Variants in USP40 observed in about 807,000 individuals in gnomAD.
USP40 encodes ubiquitin specific peptidase 40.
In USP40, 143 loss-of-function variants were observed where a neutral mutation model predicts 166.2. That is an observed-to-expected ratio of 0.86 (90% confidence interval 0.75 to 0.99). USP40 has a LOEUF of 0.99. USP40 is among the 50% of genes least tolerant of loss of function. The pLI is 0.00. For missense variants in USP40, 1,444 were observed against 1,479.7 expected, an observed-to-expected ratio of 0.98 and a Z score of 0.40; for synonymous variants, 498 against 524.0, an observed-to-expected ratio of 0.95 and a Z score of 0.68.
chr2:233,539,670 T>G (rs1052738183), intron 10 of USP40, among the ~76,000 whole-genome samples: 1 of 151,872 alleles, frequency 6.6e-6, no homozygotes, highest in Non-Finnish European at 1.5e-5. Flanking sequence ...GGAAGAAAAT[T>G]TATAGCTTTA....
chr2:233,535,589 C>T (rs2068874505), intron 10 of USP40, among the ~76,000 whole-genome samples: 2 of 152,158 alleles, frequency 1.3e-5, no homozygotes, highest in South Asian at 4.1e-4. Context: ...GTAACAGACC[C>T]ACCCTAAAGC....
intron 24 of USP40, among the ~76,000 whole-genome samples, chr2:233,495,469 C>T (rs942728969): frequency 1.3e-5 from 2 of 151,694 alleles, no homozygotes; most frequent in Non-Finnish European, 2.9e-5. Context: ...GTTGCCAAGG[C>T]TGGTCTTGAA....
At chr2:233,490,273 C>T (rs555361296) in intron 26 of USP40, among the ~76,000 whole-genome samples, 3 of 149,642 alleles carry the variant, frequency 2.0e-5, no homozygotes, top group Non-Finnish European at 4.4e-5. Context: ...AAGTGATTCT[C>T]CTGCCTCAGC....
intron 5 of USP40, among the ~76,000 whole-genome samples, chr2:233,556,162 A>G (rs1175420899): frequency 6.6e-6 from 1 of 152,016 alleles, no homozygotes; most frequent in Non-Finnish European, 1.5e-5. Context: ...ATACAAATAC[A>G]CAAACTTCCT....
At chr2:233,488,021 A>C (rs749926974) in intron 28 of USP40, 22 of 697,238 alleles carry the variant, frequency 3.2e-5, no homozygotes, top group South Asian at 3.2e-4. Flanking sequence ...TGATTACTGA[A>C]AAATTAATTC....
chr2:233,537,028 T>G (rs781360510), intron 10 of USP40, among the ~76,000 whole-genome samples: 12 of 152,022 alleles, frequency 7.9e-5, no homozygotes, highest in Non-Finnish European at 1.3e-4. Flanking sequence ...GGATTACATG[T>G]GCGCACCACC....
At chr2:233,530,856 C>T (rs2068465649) in intron 11 of USP40, among the ~76,000 whole-genome samples, 1 of 152,082 alleles carries the variant, frequency 6.6e-6, no homozygotes, top group South Asian at 2.1e-4. Flanking sequence ...TACTGTTTTC[C>T]ATTAGCTTGT....
chr2:233,544,429 C>T (rs1293051775), intron 8 of USP40, among the ~76,000 whole-genome samples: 1 of 152,196 alleles, frequency 6.6e-6, no homozygotes, highest in Admixed American at 6.5e-5. Context: ...TCACTCGTCA[C>T]TGGTGACTGA....
At chr2:233,560,834 T>C in intron 3 of USP40, 3 of 543,416 alleles carry the variant, frequency 5.5e-6, no homozygotes, top group Admixed American at 3.3e-5. Context: ...GTCGGTATTG[T>C]TGCAAAAAAA....
intron 21 of USP40, among the ~76,000 whole-genome samples, chr2:233,504,440 T>C (rs987641483): frequency 4.6e-5 from 7 of 151,878 alleles, no homozygotes; most frequent in Admixed American, 2.0e-4. Context: ...AGTGAAGGGA[T>C]GGAAAAAGAT....
chr2:233,544,825 T>C (rs1299720252), intron 8 of USP40, among the ~76,000 whole-genome samples: 6 of 152,186 alleles, frequency 3.9e-5, no homozygotes, highest in East Asian at 1.9e-4. Context: ...TGGCTTGCCT[T>C]GACCTTGATA....
At chr2:233,510,641 T>G (rs1431926084) in intron 20 of USP40, among the ~76,000 whole-genome samples, 3 of 151,926 alleles carry the variant, frequency 2.0e-5, no homozygotes, top group Admixed American at 6.6e-5. Flanking sequence ...TGACTTCAGG[T>G]GATCCACCCG....
chr2:233,493,462 C>T lies in USP40; in HGVS notation c.2880G>A (p.Ser960=), dbSNP rs375703858. Residue 960 remains serine (S), a synonymous_variant, in exon 25 of 32, where the codon TCG becomes TCA. Transcript: ENST00000678225. This position sits in a 1 kb window ranked among gnomAD's most constrained non-coding sequence, Gnocchi z 4.7. ...TGGCTCTCCAAACTCTGCCCCAAGACGAAGTACAGTTGGTCTGGTCCTGAT... is the reference window on the plus strand; with the variant it reads ...TGGCTCTCCAAACTCTGCCCCAAGATGAAGTACAGTTGGTCTGGTCCTGAT... ...ESHQDQTNCT[S]SWGRVWRATS... The T allele has an allele frequency of 7.1e-5, 114 of 1,613,858 alleles. No homozygotes were observed. Among genetic ancestry groups the T allele is most frequent in the African/African-American group, 2.1e-4 (16 of 74,938 alleles).
At position 233,478,456 on chromosome 2, in the gene USP40, C is replaced by T. The variant is rs143990886; in HGVS notation, c.3600-953G>A. 2.0e-4 allele frequency among the ~76,000 whole-genome samples: 30 copies of T among 152,272 alleles called. No homozygotes were observed. In the East Asian group the frequency reaches 5.4e-3, roughly 27 times the overall value. On this transcript the variant is annotated intron_variant, in intron 31 of 31. Transcript: ENST00000678225. ...GAGCATATTTTTATATGCTGGCAAG[C>T]GATTTGCAGTTCCTTTTCTATGAAC... is the stretch of plus-strand genomic sequence containing the variant.
chr2:233,549,437 C>T (rs2070335183), intron 7 of USP40, among the ~76,000 whole-genome samples: 1 of 152,024 alleles, frequency 6.6e-6, no homozygotes, highest in South Asian at 2.1e-4. Context: ...CAATCAAATT[C>T]TGCCTCTTAG....
At chr2:233,562,515 T>A (rs900206484) in intron 3 of USP40, among the ~76,000 whole-genome samples, 2 of 137,618 alleles carry the variant, frequency 1.5e-5, no homozygotes, top group Non-Finnish European at 3.0e-5. Flanking sequence ...AATTGAACAA[T>A]GAGAACACAT....
At chr2:233,520,386 A>G (rs2067570265) in intron 17 of USP40, among the ~76,000 whole-genome samples, 1 of 152,010 alleles carries the variant, frequency 6.6e-6, no homozygotes, top group South Asian at 2.1e-4. Context: ...AGAAATTATA[A>G]TATTTATATA....
At chr2:233,544,253 G>A (rs1293729643) in intron 8 of USP40, among the ~76,000 whole-genome samples, 1 of 152,120 alleles carries the variant, frequency 6.6e-6, no homozygotes, top group African/African-American at 2.4e-5. Context: ...CAGACATAGG[G>A]CAAGGTCCAG....
At chr2:233,488,559 T>G (rs1394106618) in intron 27 of USP40, among the ~76,000 whole-genome samples, 1 of 152,200 alleles carries the variant, frequency 6.6e-6, no homozygotes, top group Non-Finnish European at 1.5e-5. Flanking sequence ...GAAATTTCCC[T>G]CTGTTCAGCC....
Sources: allele counts gnomAD v4.1 joint callset (sites outside exome capture counted in the v4.1 genomes callset), GRCh38; gene constraint gnomAD v4.1.1; non-coding constraint Gnocchi (gnomAD v3.1); transcripts MANE v1.5; gene names NCBI Gene and HGNC (gene_info 2026-07-23, HGNC 2026-07-21).